The following SNTB1 variants were observed in gnomAD, a reference collection of about 807,000 sequenced individuals.
The protein encoded by SNTB1 is beta-1-syntrophin.
SNTB1 carries 36 observed loss-of-function variants against 48.9 expected under a neutral mutation model. The observed-to-expected ratio is 0.74, with a 90% CI of 0.56 to 0.97. The LOEUF (loss-of-function observed/expected upper bound fraction) is 0.97. Among genes scored for constraint, SNTB1 ranks in the 50% least tolerant of loss-of-function variants. The probability of loss-of-function intolerance (pLI) is 0.00; values close to 1 mark genes in which losing one functional copy is unlikely to be tolerated. For synonymous variants in SNTB1, 299 were observed against 294.6 expected (o/e 1.01, Z -0.15); for missense variants, 786 against 703.4 (o/e 1.12, Z -1.33).
chr8:120,712,536 T>A (rs1818481475), intron 1 of SNTB1, among the ~76,000 whole-genome samples: 1 of 152,108 alleles, frequency 6.6e-6, no homozygotes, highest in African/African-American at 2.4e-5. Flanking sequence ...ATAGAAGCAC[T>A]ATTAAGTCCT....
chr8:120,568,152 G>C (rs1041685265), intron 4 of SNTB1, among the ~76,000 whole-genome samples: 1 of 152,114 alleles, frequency 6.6e-6, no homozygotes, highest in African/African-American at 2.4e-5. Flanking sequence ...TACCATTTCT[G>C]GCATGGACCA....
At chr8:120,755,019 T>C (rs1819289305) in intron 1 of SNTB1, among the ~76,000 whole-genome samples, 1 of 152,122 alleles carries the variant, frequency 6.6e-6, no homozygotes. Context: ...AAGCAACCTT[T>C]GTATCCGAGG....
chr8:120,633,812 T>C (rs1477833277), intron 2 of SNTB1, among the ~76,000 whole-genome samples: 1 of 152,112 alleles, frequency 6.6e-6, no homozygotes, highest in Non-Finnish European at 1.5e-5. Flanking sequence ...GTTGCACAAA[T>C]AGTACAAAGA....
At chr8:120,775,707 C>CAAGGAAGGAAGG (rs371412589) in intron 1 of SNTB1, among the ~76,000 whole-genome samples, 7,418 of 114,372 alleles carry the variant, frequency 0.065, 298 homozygotes, top group Non-Finnish European at 0.084. Flanking sequence ...GGGAAGGAGA[C>CAAGGAAGGAAGG]AAGGAAGGAA....
At chr8:120,613,441 G>A (rs936754892) in intron 3 of SNTB1, among the ~76,000 whole-genome samples, 10 of 152,076 alleles carry the variant, frequency 6.6e-5, no homozygotes, top group African/African-American at 2.4e-4. Flanking sequence ...GTTACTAGAG[G>A]CTGGGAAAGG....
intron 3 of SNTB1, among the ~76,000 whole-genome samples, chr8:120,626,894 T>C (rs1299536570): frequency 6.6e-6 from 1 of 152,252 alleles, no homozygotes; most frequent in Non-Finnish European, 1.5e-5. Context: ...CTATTTCTGC[T>C]ATCATTCCAT....
chr8:120,786,952 C>A (rs530693264), intron 1 of SNTB1, among the ~76,000 whole-genome samples: 1 of 152,120 alleles, frequency 6.6e-6, no homozygotes, highest in African/African-American at 2.4e-5. Flanking sequence ...AGGGAAAAAA[C>A]GTTTTTTAAA....
intron 2 of SNTB1, among the ~76,000 whole-genome samples, chr8:120,634,471 C>T (rs568553137): frequency 2.6e-5 from 4 of 152,182 alleles, no homozygotes; most frequent in East Asian, 3.9e-4. Flanking sequence ...AAGGCCACAC[C>T]GTTGGTGATG....
chr8:120,591,364 T>C (rs887157308), intron 3 of SNTB1, among the ~76,000 whole-genome samples: 1 of 152,180 alleles, frequency 6.6e-6, no homozygotes. Context: ...TTGGTGACTT[T>C]TTCATTATAG....
intron 2 of SNTB1, among the ~76,000 whole-genome samples, chr8:120,662,508 A>T (rs574126849): frequency 6.6e-6 from 1 of 152,322 alleles, no homozygotes; most frequent in Admixed American, 6.5e-5. Flanking sequence ...GAAAGAAATT[A>T]ACCCAAAACT....
At chr8:120,718,471 A>G (rs910835451) in intron 1 of SNTB1, among the ~76,000 whole-genome samples, 7 of 152,258 alleles carry the variant, frequency 4.6e-5, no homozygotes, top group African/African-American at 1.7e-4. Context: ...TCTCTTCATT[A>G]GGCTCTGGCA....
intron 4 of SNTB1, among the ~76,000 whole-genome samples, chr8:120,555,296 C>A (rs942688811): frequency 6.6e-6 from 1 of 152,130 alleles, no homozygotes; most frequent in Non-Finnish European, 1.5e-5. Flanking sequence ...CAGAAAGGAC[C>A]GGTTGGCAGC....
At chr8:120,634,852 A>ATTT (rs11347235) in intron 2 of SNTB1, among the ~76,000 whole-genome samples, 12 of 139,234 alleles carry the variant, frequency 8.6e-5, no homozygotes, top group African/African-American at 2.7e-4. Context: ...ATTAGTATTC[A>ATTT]TTTTTTTTTT....
chr8:120,710,810 A>AT (rs745525498), intron 1 of SNTB1, among the ~76,000 whole-genome samples: 18 of 151,864 alleles, frequency 1.2e-4, no homozygotes, highest in Middle Eastern at 3.4e-3. Context: ...TAAGAAATAA[A>AT]TTTTTTTTTC....
rs1201301872 is a variant in SNTB1 at position 120,575,105 on chromosome 8, A to G, written c.1117T>C (p.Tyr373His). 3.1e-6 allele frequency: 5 copies of G among 1,614,190 alleles called. No homozygotes were observed. In the South Asian group the frequency reaches 5.5e-5, roughly 18 times the overall value. The change falls in exon 4 of 7, where the codon TAC (tyrosine) becomes CAC (histidine). Residue 373 changes from tyrosine to histidine, a missense_variant. Physicochemically the swap from Tyr to His is moderately conservative, Grantham distance 83. Coordinates refer to ENST00000517992, the MANE Select transcript of SNTB1 (RefSeq NM_021021.4). ...KEAWFSPVHT[Y>H]PLLATRLVHS... ...GGCTACCTGGTGGCAAGAAGAGGGT[A>G]TGTGTGAACTGGGCTGAACCAGGCT...
chr8:120,719,318 C>T (rs1246104347), intron 1 of SNTB1, among the ~76,000 whole-genome samples: 4 of 152,304 alleles, frequency 2.6e-5, no homozygotes, highest in Middle Eastern at 3.4e-3. Flanking sequence ...ACATCTATCT[C>T]CAGTGCTGGA....
intron 3 of SNTB1, among the ~76,000 whole-genome samples, chr8:120,615,475 C>T (rs151313082): frequency 1.3e-5 from 2 of 152,260 alleles, no homozygotes; most frequent in East Asian, 3.9e-4. Flanking sequence ...TATGGGGCCT[C>T]ATTAAAAACT....
At chr8:120,583,223 G>C (rs1006161450) in intron 3 of SNTB1, among the ~76,000 whole-genome samples, 5 of 152,158 alleles carry the variant, frequency 3.3e-5, no homozygotes, top group Admixed American at 2.6e-4. Context: ...TGGAACAGCT[G>C]GGGATGGTTG....
intron 4 of SNTB1, among the ~76,000 whole-genome samples, chr8:120,569,440 A>C (rs184515131): frequency 6.6e-6 from 1 of 152,324 alleles, no homozygotes; most frequent in East Asian, 1.9e-4. Context: ...AGACACTTTC[A>C]GTGCTCCACT....
Sources: allele counts gnomAD v4.1 joint callset (sites outside exome capture counted in the v4.1 genomes callset), GRCh38; gene constraint gnomAD v4.1.1; transcripts MANE v1.5; gene names NCBI Gene and HGNC (gene_info 2026-07-23, HGNC 2026-07-21).